ANTXR2: variants seen among roughly 807,000 people sequenced by gnomAD.
ANTXR2 encodes ANTXR cell adhesion molecule 2.
Under a neutral mutation model 73.7 loss-of-function variants are expected in ANTXR2, and 44 were observed. The observed-to-expected ratio is 0.60, with a 90% CI of 0.47 to 0.77. The LOEUF (loss-of-function observed/expected upper bound fraction) is 0.77, where lower values mean the gene tolerates loss of function less well. ANTXR2 is among the 30% of genes least tolerant of loss of function. ANTXR2 has a pLI of 0.00. For synonymous variants in ANTXR2, 217 were observed against 205.9 expected (o/e 1.05, Z -0.46); for missense variants, 604 against 592.5 (o/e 1.02, Z -0.20).
chr4:79,951,301 T>G (rs934696331), intron 16 of ANTXR2, among the ~76,000 whole-genome samples: 1 of 152,086 alleles, frequency 6.6e-6, no homozygotes, highest in Non-Finnish European at 1.5e-5. Context: ...AGGACTCTGC[T>G]GGGCGTGGTG....
intron 12 of ANTXR2, among the ~76,000 whole-genome samples, chr4:79,992,697 T>C (rs574238614): frequency 1.3e-5 from 2 of 152,198 alleles, no homozygotes; most frequent in African/African-American, 4.8e-5. Flanking sequence ...CATATGACTA[T>C]GAACTTGCAT....
rs141195909 is a variant in ANTXR2 at position 79,904,020 on chromosome 4, T to C, written c.*3409A>G. 3.9e-5 allele frequency: 6 copies of C among 152,280 alleles called. No homozygotes were observed. In the East Asian group the frequency reaches 1.2e-3, roughly 29 times the overall value. 9.4% of individuals were successfully genotyped at this position (152,280 alleles called of 1,614,324 possible). A position where few individuals can be genotyped will look rare whatever the true frequency, so the allele number is the denominator to read the frequency against. ...ACTTGTAAATGTGACCTAATTACAT[T>C]CTGCCTTCTTAAATTTCAAAAATAA... On this transcript the variant is annotated 3_prime_UTR_variant, in exon 17 of 17. Transcript: ENST00000403729.
Position 79,902,496 on chromosome 4 carries a change from C to A in ANTXR2, c.*4933G>T, listed in dbSNP as rs1437000742. 4 of 152,092 alleles carry A rather than the reference C, an allele frequency of 2.6e-5. No individual in the cohort carries two copies. The highest frequency in any genetic ancestry group is 5.9e-5 in the Non-Finnish European group (4 of 68,000). 9.4% of individuals were successfully genotyped at this position (152,092 alleles called of 1,614,324 possible). On this transcript the variant is annotated 3_prime_UTR_variant, in exon 17 of 17. Coordinates refer to ENST00000403729, the MANE Select transcript of ANTXR2 (RefSeq NM_058172.6). ...GTATCCCAATTATTAAAACTGGGAG[C>A]ATAAATATCTCCTAACAATCTCTGT...
At chr4:79,923,317 C>CTGA (rs1390053742) in intron 16 of ANTXR2, among the ~76,000 whole-genome samples, 2 of 152,150 alleles carry the variant, frequency 1.3e-5, no homozygotes, top group Non-Finnish European at 2.9e-5. Context: ...TTTTTGCTAA[C>CTGA]TGACTTGTAA....
chr4:79,988,865 G>A (rs1410120781), intron 12 of ANTXR2, among the ~76,000 whole-genome samples: 2 of 151,980 alleles, frequency 1.3e-5, no homozygotes, highest in Non-Finnish European at 2.9e-5. Flanking sequence ...ACAATTACAT[G>A]GAAAGTAAAC....
At chr4:80,067,396 AC>A (rs1734553907) in intron 3 of ANTXR2, among the ~76,000 whole-genome samples, 1 of 152,206 alleles carries the variant, frequency 6.6e-6, no homozygotes, top group Non-Finnish European at 1.5e-5. Context: ...GTGCTGAGGA[AC>A]CATATGCAAA....
intron 12 of ANTXR2, among the ~76,000 whole-genome samples, chr4:79,998,545 T>G (rs1334709564): frequency 2.0e-5 from 3 of 152,170 alleles, no homozygotes; most frequent in Middle Eastern, 3.4e-3. Flanking sequence ...AAAACAAATT[T>G]GCTCTTAACT....
intron 2 of ANTXR2, among the ~76,000 whole-genome samples, chr4:80,070,238 A>G (rs924816248): frequency 6.6e-6 from 1 of 152,230 alleles, no homozygotes; most frequent in African/African-American, 2.4e-5. Context: ...ACATATTTTA[A>G]AAGTCAGTCT....
intron 16 of ANTXR2, among the ~76,000 whole-genome samples, chr4:79,957,594 T>C (rs1034925811): frequency 1.3e-5 from 2 of 152,144 alleles, no homozygotes; most frequent in African/African-American, 4.8e-5. Context: ...GTGTGCTCTA[T>C]ATTTTCATGA....
chr4:79,905,387 GTATAC>G lies in ANTXR2; in HGVS notation c.*2037_*2041del, dbSNP rs1275448570. On this transcript the variant is annotated 3_prime_UTR_variant, in exon 17 of 17. Coordinates refer to ENST00000403729, the MANE Select transcript of ANTXR2 (RefSeq NM_058172.6). ...AATAACTCATTGCAGAAAGGGTTGG[GTATAC>G]TATATCAGGCTTCCAAGTTACACTT... The G allele has an allele frequency of 6.6e-6, 1 of 152,170 alleles. No homozygotes were observed. Among genetic ancestry groups the G allele is most frequent in the African/African-American group, 2.4e-5 (1 of 41,436 alleles). 9.4% of individuals were successfully genotyped at this position (152,170 alleles called of 1,614,324 possible).
At chr4:80,069,532 T>A in intron 2 of ANTXR2, 25 bp from the exon 3 acceptor site, 2 of 1,525,408 alleles carry the variant, frequency 1.3e-6, no homozygotes, top group Non-Finnish European at 1.8e-6. Context: ...AAGAGGCAGT[T>A]AAAACATTTT....
rs910264223 is a variant in ANTXR2 at position 80,048,842 on chromosome 4, T to C, written c.636+5430A>G. Among the ~76,000 whole-genome samples the C allele has an allele frequency of 1.4e-4, 21 of 151,798 alleles. 1 individual carries two copies. The South Asian group carries it at 3.9e-3, about 28-fold the overall frequency. ...AAAAAATTCCACTCCAAAAGTGAAA[T>C]GAAGCTTATATCTCCAGCACTATGA... On this transcript the variant is annotated intron_variant, in intron 7 of 16. Coordinates refer to ENST00000403729, the MANE Select transcript of ANTXR2 (RefSeq NM_058172.6).
chr4:79,979,651 G>T (rs55891936), intron 14 of ANTXR2, among the ~76,000 whole-genome samples: 13,884 of 152,090 alleles, frequency 0.091, 736 homozygotes, highest in Middle Eastern at 0.23. Context: ...TTATGAGGTT[G>T]TTAAAATTGT....
Position 79,907,295 on chromosome 4 carries a change from C to T in ANTXR2, c.*134G>A. ...CAAGCAAAGCAGAAGGCAGAGAAAACATTTCCCGACTGAGAGGAATTAAGC... is the reference window on the plus strand; with the variant it reads ...CAAGCAAAGCAGAAGGCAGAGAAAATATTTCCCGACTGAGAGGAATTAAGC... On this transcript the variant is annotated 3_prime_UTR_variant, in exon 17 of 17. Coordinates refer to ENST00000403729, the MANE Select transcript of ANTXR2 (RefSeq NM_058172.6). The T allele has an allele frequency of 2.3e-5, 22 of 961,864 alleles. No individual in the cohort carries two copies. The highest frequency in any genetic ancestry group is 3.4e-5 in the Non-Finnish European group (21 of 620,200). The allele number at this position is 961,864 out of a possible 1,614,324, so 59.6% of individuals were successfully genotyped here. A position where few individuals can be genotyped will look rare whatever the true frequency, so the allele number is the denominator to read the frequency against.
At chr4:79,959,237 AAC>A (rs1398313637) in intron 16 of ANTXR2, among the ~76,000 whole-genome samples, 1 of 152,076 alleles carries the variant, frequency 6.6e-6, no homozygotes, top group Non-Finnish European at 1.5e-5. Flanking sequence ...CCTTATAAAT[AAC>A]ATTTTTTTGT....
In ANTXR2 at chr4:80,072,778, C is replaced by T. The variant is rs552042966; in HGVS notation, c.-218G>A. The T allele has an allele frequency of 1.6e-6, 2 of 1,217,252 alleles. No homozygotes were observed. The highest frequency in any genetic ancestry group is 3.3e-5 in the East Asian group (1 of 30,632). 75.4% of individuals were successfully genotyped at this position (1,217,252 alleles called of 1,614,324 possible). On this transcript the variant is annotated 5_prime_UTR_variant, in exon 1 of 17. Coordinates refer to ENST00000403729, the MANE Select transcript of ANTXR2 (RefSeq NM_058172.6). The stretch of plus-strand genomic sequence containing the variant: ...GAGTCTCCGCCACCGCCGCAGCTGC[C>T]GCCGGAACTCTTGACGAATCCCAGT...
chr4:80,055,103 A>G (rs373801856), intron 6 of ANTXR2, 47 bp downstream of exon 6: 1 of 1,480,522 alleles, frequency 6.8e-7, no homozygotes, highest in African/African-American at 1.4e-5. Context: ...TATCCTTAAG[A>G]CAATTATGTG....
intron 10 of ANTXR2, among the ~76,000 whole-genome samples, chr4:80,019,922 T>C (rs535323517): frequency 6.6e-6 from 1 of 152,314 alleles, no homozygotes; most frequent in Non-Finnish European, 1.5e-5. Context: ...AGATTGATTA[T>C]TTGGGATTAG....
chr4:79,948,529 G>A (rs1036276080), intron 16 of ANTXR2, among the ~76,000 whole-genome samples: 2 of 152,124 alleles, frequency 1.3e-5, no homozygotes, highest in African/African-American at 4.8e-5. Context: ...AGATGCCTAT[G>A]AATAGGGTTT....
Sources: gnomAD v4.1 joint callset for allele counts (sites outside exome capture counted in the v4.1 genomes callset) on GRCh38, gnomAD v4.1.1 for gene constraint, MANE v1.5 for transcripts, NCBI Gene and HGNC (gene_info 2026-07-23, HGNC 2026-07-21) for gene names.